ARMH3: variants seen among roughly 807,000 people sequenced by gnomAD.
The protein encoded by ARMH3 is armadillo like helical domain containing 3.
Under a neutral mutation model 99.1 loss-of-function variants are expected in ARMH3, and 60 were observed. That is an observed-to-expected ratio of 0.61 (90% CI 0.49 to 0.75). The LOEUF is 0.75. ARMH3 is among the 30% of genes least tolerant of loss of function. The pLI is 0.00. For missense variants in ARMH3, 679 were observed against 843.1 expected (o/e 0.81, Z 2.41); for synonymous variants, 285 against 292.8 (o/e 0.97, Z 0.27).
intron 19 of ARMH3, among the ~76,000 whole-genome samples, 169 bp downstream of exon 19, chr10:101,990,382 A>C (rs1422681446): frequency 6.6e-6 from 1 of 151,860 alleles, no homozygotes; most frequent in African/African-American, 2.4e-5. Flanking sequence ...ACGGGGTTTC[A>C]CCGTGGTCTC....
rs568900722 is a variant in ARMH3 at position 101,878,975 on chromosome 10, T to C, written c.1860+10437A>G. On this transcript the variant is annotated intron_variant, in intron 24 of 25. Coordinates refer to ENST00000370033, the MANE Select transcript of ARMH3 (RefSeq NM_024541.3). ...AAAGTTACCATACTGTGCCAGGATC[T>C]TCCACTTACACATTTCTGCCTGACT... Among the ~76,000 whole-genome samples, 12 of 152,328 alleles carry C rather than the reference T, an allele frequency of 7.9e-5. No individual in the cohort carries two copies. The East Asian group carries it at 2.3e-3, about 29-fold the overall frequency.
intron 15 of ARMH3, among the ~76,000 whole-genome samples, chr10:101,999,200 T>C (rs1243930398): frequency 6.6e-6 from 1 of 152,146 alleles, no homozygotes; most frequent in Admixed American, 6.5e-5. Context: ...AAAATCCTTT[T>C]TTTTTTTTGA....
At chr10:102,035,694 G>A (rs762995814) in intron 2 of ARMH3, among the ~76,000 whole-genome samples, 155 of 152,358 alleles carry the variant, frequency 1.0e-3, no homozygotes, top group Non-Finnish European at 2.1e-3. Context: ...ACGGAGTCTC[G>A]TTCACTCAGC....
intron 23 of ARMH3, among the ~76,000 whole-genome samples, chr10:101,909,060 C>G (rs1002529852): frequency 1.1e-4 from 16 of 151,896 alleles, no homozygotes; most frequent in African/African-American, 3.9e-4. Flanking sequence ...ACTATGGACA[C>G]AGAATTGAGT....
At chr10:102,026,931 T>C (rs952064598) in intron 5 of ARMH3, among the ~76,000 whole-genome samples, 16 of 152,220 alleles carry the variant, frequency 1.1e-4, no homozygotes, top group African/African-American at 3.6e-4. Context: ...GCCTCTTGTA[T>C]CCTCAGTGCC....
chr10:102,009,422 A>G lies in ARMH3; in HGVS notation c.906T>C (p.Leu302=), dbSNP rs2066579830. ...TGCGATTTAAATGAACAGCTTCATA[A>G]AGTGCCAGAAGAATGGCCTCATTGG... The part of the protein sequence containing the change: ...VQTNEAILLA[L]YEAVHLNRNF... The change falls in exon 13 of 26, where the codon CTT becomes CTC. Residue 302 remains leucine (L), a synonymous_variant. Transcript: ENST00000370033. The G allele has an allele frequency of 6.2e-7, 1 of 1,614,144 alleles. No homozygotes were observed.
chr10:101,961,543 G>T (rs1041841199), intron 20 of ARMH3, among the ~76,000 whole-genome samples: 2 of 152,102 alleles, frequency 1.3e-5, no homozygotes, highest in Non-Finnish European at 2.9e-5. Flanking sequence ...TTTGCACAGG[G>T]TTTATGCCAA....
At chr10:102,007,827 C>T (rs182798345) in intron 13 of ARMH3, among the ~76,000 whole-genome samples, 231 of 120,584 alleles carry the variant, frequency 1.9e-3, no homozygotes, top group African/African-American at 6.7e-3. Context: ...AGCGAGACAC[C>T]ATCTCCAAAA....
chr10:101,967,210 T>C (rs1257320157), intron 20 of ARMH3, among the ~76,000 whole-genome samples: 6 of 152,122 alleles, frequency 3.9e-5, no homozygotes, highest in Non-Finnish European at 1.5e-5. Flanking sequence ...AATATTACCA[T>C]CTCAGTTGCT....
chr10:102,000,295 G>C (rs369991688), intron 15 of ARMH3, among the ~76,000 whole-genome samples: 3 of 152,180 alleles, frequency 2.0e-5, no homozygotes, highest in East Asian at 3.9e-4. Context: ...TGAAATCAAA[G>C]GCTTACTTCC....
intron 23 of ARMH3, among the ~76,000 whole-genome samples, chr10:101,939,404 T>A (rs565980706): frequency 6.6e-6 from 1 of 152,364 alleles, no homozygotes; most frequent in East Asian, 1.9e-4. Context: ...ATTGTCTTGC[T>A]GTTTCATAAG....
intron 19 of ARMH3, among the ~76,000 whole-genome samples, chr10:101,982,068 G>A (rs1404953372): frequency 6.8e-6 from 1 of 146,604 alleles, no homozygotes. Context: ...ACCTTCAGCA[G>A]TGATATTAAA....
chr10:101,977,702 T>C (rs1476290230), intron 19 of ARMH3, among the ~76,000 whole-genome samples: 2 of 152,168 alleles, frequency 1.3e-5, no homozygotes, highest in Non-Finnish European at 2.9e-5. Flanking sequence ...CACTCATGGG[T>C]TAATGGATTA....
intron 18 of ARMH3, among the ~76,000 whole-genome samples, 170 bp downstream of exon 18, chr10:101,991,799 G>C (rs1846808545): frequency 6.6e-6 from 1 of 152,084 alleles, no homozygotes; most frequent in African/African-American, 2.4e-5. Flanking sequence ...CTCTATAACT[G>C]GGGTTGCTTT....
At chr10:101,985,044 G>A (rs929216433) in intron 19 of ARMH3, among the ~76,000 whole-genome samples, 2 of 146,712 alleles carry the variant, frequency 1.4e-5, no homozygotes, top group African/African-American at 2.5e-5. Flanking sequence ...CTCTATCCTG[G>A]GCAACAGAAA....
chr10:101,865,575 G>A (rs2066982787), intron 24 of ARMH3, among the ~76,000 whole-genome samples: 1 of 151,952 alleles, frequency 6.6e-6, no homozygotes, highest in African/African-American at 2.4e-5. Context: ...TGCAGCCTCT[G>A]CATCCCAGAT....
intron 19 of ARMH3, among the ~76,000 whole-genome samples, chr10:101,986,478 T>G (rs1846511094): frequency 6.6e-6 from 1 of 151,684 alleles, no homozygotes; most frequent in Non-Finnish European, 1.5e-5. Context: ...ATAAGCACCT[T>G]CCCCCATCAT....
chr10:102,025,227 A>T lies in ARMH3; in HGVS notation c.436T>A (p.Ser146Thr). The T allele has an allele frequency of 6.2e-7, 1 of 1,613,932 alleles. No homozygotes were observed. The highest frequency in any genetic ancestry group is 1.3e-5 in the African/African-American group (1 of 75,060). ...TCAGAACCTTCTGCACAAAGCAATGAATCCAAACTCTCCATCAAGTTCTGA... is the reference window on the plus strand; with the variant it reads ...TCAGAACCTTCTGCACAAAGCAATGTATCCAAACTCTCCATCAAGTTCTGA... Reference protein sequence around the residue: ...CMKNLMESLDSLLCAEGSESL... With the variant: ...CMKNLMESLDTLLCAEGSESL... Residue 146 changes from serine to threonine, a missense_variant, in exon 6 of 26, where the codon TCA (serine) becomes ACA (threonine). Physicochemically the swap from Ser to Thr is moderately conservative, Grantham distance 58. Coordinates refer to ENST00000370033, the MANE Select transcript of ARMH3 (RefSeq NM_024541.3).
intron 23 of ARMH3, chr10:101,889,885 G>T (rs994480042): frequency 1.1e-5 from 2 of 186,548 alleles, no homozygotes; most frequent in East Asian, 2.4e-4. Context: ...AGTAAAGCTG[G>T]GCCAACAACA....
Sources: allele counts gnomAD v4.1 joint callset (sites outside exome capture counted in the v4.1 genomes callset), GRCh38; gene constraint gnomAD v4.1.1; transcripts MANE v1.5; gene names NCBI Gene and HGNC (gene_info 2026-07-23, HGNC 2026-07-21).